The following MLLT3 variants were observed in gnomAD, a reference collection of about 807,000 sequenced individuals.
MLLT3 encodes the protein protein AF-9.
A neutral mutation model predicts 53.2 loss-of-function variants in MLLT3; 4 were observed. That is an observed-to-expected ratio of 0.08 (90% CI 0.04 to 0.17). The LOEUF is 0.17. Ranked by LOEUF, MLLT3 falls within the 10% of genes least tolerant of loss-of-function variation. MLLT3 has a pLI of 1.00. For synonymous variants in MLLT3, 283 were observed against 230.6 expected (o/e 1.23, Z -2.06); for missense variants, 569 against 684.0 (o/e 0.83, Z 1.87).
chr9:20,387,174 C>A (rs1586910394), intron 5 of MLLT3, among the ~76,000 whole-genome samples: 1 of 152,202 alleles, frequency 6.6e-6, no homozygotes, highest in African/African-American at 2.4e-5. Flanking sequence ...TCTGTCAGAG[C>A]TATTCCAGAG....
chr9:20,398,093 TATTTTTA>T lies in MLLT3; in HGVS notation c.1125+15621_1125+15627del, dbSNP rs1315223134. Among the ~76,000 whole-genome samples the T allele has an allele frequency of 3.9e-5, 6 of 152,116 alleles. No homozygotes were observed. In the East Asian group the frequency reaches 1.2e-3, roughly 29 times the overall value. On this transcript the variant is annotated intron_variant, in intron 5 of 10. Transcript: ENST00000380338. ...TTCATTCTTCTGCATATACAATGAA[TATTTTTA>T]ATTTTTAATTTTTTTTTATTTTTAG...
intron 5 of MLLT3, among the ~76,000 whole-genome samples, chr9:20,384,539 G>A (rs994817845): frequency 3.3e-5 from 5 of 151,970 alleles, no homozygotes; most frequent in East Asian, 3.8e-4. Flanking sequence ...ATCCAAAAAC[G>A]TGTTCTTAAT....
At position 20,621,145 on chromosome 9, in the gene MLLT3, A is replaced by C. The variant is rs1398498818; in HGVS notation, c.13-311T>G. Among the ~76,000 whole-genome samples the C allele has an allele frequency of 6.6e-6, 1 of 152,240 alleles. No homozygotes were observed. Among genetic ancestry groups the C allele is most frequent in the African/African-American group, 2.4e-5 (1 of 41,472 alleles). The stretch of plus-strand genomic sequence containing the variant: ...AGGGAGAACACACTCAGCCACGACA[A>C]GCACGACAACAAATGCATCGGAAAC... On this transcript the variant is annotated intron_variant, in intron 1 of 10. Transcript: ENST00000380338. This position sits in a 1 kb window ranked among gnomAD's most constrained non-coding sequence, Gnocchi z 7.0.
rs186677126 is a variant in MLLT3, at chr9:20,448,816, T to C, written c.277-550A>G. Among the ~76,000 whole-genome samples the C allele has an allele frequency of 2.6e-5, 4 of 152,340 alleles. No individual in the cohort carries two copies. The East Asian group carries it at 5.8e-4, about 22-fold the overall frequency. On this transcript the variant is annotated intron_variant, in intron 3 of 10. Transcript: ENST00000380338. This position sits in a 1 kb window ranked among gnomAD's most constrained non-coding sequence, Gnocchi z 4.0. ...AAATTTCAACAGCTTCCAATAGCCA[T>C]TGGGCTAAAAATCCTAATCTCACTT...
chr9:20,414,946 A>G (rs1822835295), intron 4 of MLLT3, among the ~76,000 whole-genome samples: 1 of 152,216 alleles, frequency 6.6e-6, no homozygotes, highest in Non-Finnish European at 1.5e-5. Context: ...TAAGAGACCA[A>G]GGACCAGAAT....
At chr9:20,391,437 G>A (rs1474786260) in intron 5 of MLLT3, among the ~76,000 whole-genome samples, 1 of 152,112 alleles carries the variant, frequency 6.6e-6, no homozygotes, top group East Asian at 1.9e-4. Flanking sequence ...ATTTTGTAAG[G>A]AAGGCTGACA....
intron 2 of MLLT3, among the ~76,000 whole-genome samples, chr9:20,595,698 C>T (rs1204190893): frequency 6.6e-6 from 1 of 152,018 alleles, no homozygotes; most frequent in South Asian, 2.1e-4. Flanking sequence ...TAGCACATGA[C>T]GTTTGAAAGA....
intron 2 of MLLT3, among the ~76,000 whole-genome samples, chr9:20,562,418 G>A (rs1368655760): frequency 6.6e-6 from 1 of 151,584 alleles, no homozygotes; most frequent in African/African-American, 2.4e-5. Context: ...CACCTCAAAA[G>A]TAACATGTAA....
At position 20,414,300 on chromosome 9, in the gene MLLT3, A is replaced by G. The variant is rs143254940; in HGVS notation, c.546T>C (p.Ser182=). The G allele has an allele frequency of 1.0e-3, 1,640 of 1,595,880 alleles. 12 individuals are homozygous for G. The highest frequency in any genetic ancestry group is 1.2e-3 in the Non-Finnish European group (1,345 of 1,167,288). ...TACTACTGCTGCTGCTGCTGCTGCT[A>G]CTGCTGCTGCTACTGCTGCTGCTGC... ...SSSSSSSSSS[S]SSSSSSSSTS... The change falls in exon 5 of 11, where the codon AGT becomes AGC. Residue 182 remains serine (S), a synonymous_variant. Coordinates refer to ENST00000380338, the MANE Select transcript of MLLT3 (RefSeq NM_004529.4).
rs1824109480 is a variant in MLLT3, at chr9:20,461,616, A to G, written c.194-4830T>C. ...TCAATAAATAAATGTAATTAATAGG[A>G]ACTATTTTTTTAGCACCAAAAGAAA... On this transcript the variant is annotated intron_variant, in intron 2 of 10. Coordinates refer to ENST00000380338, the MANE Select transcript of MLLT3 (RefSeq NM_004529.4). 3.3e-5 allele frequency among the ~76,000 whole-genome samples: 5 copies of G among 152,064 alleles called. No individual in the cohort carries two copies. In the South Asian group the frequency reaches 1.0e-3, roughly 32 times the overall value.
chr9:20,519,289 C>G (rs993699322), intron 2 of MLLT3, among the ~76,000 whole-genome samples: 12 of 151,942 alleles, frequency 7.9e-5, no homozygotes, highest in Non-Finnish European at 1.5e-4. Flanking sequence ...TTTACAAAAC[C>G]CTTAAAGACT....
intron 10 of MLLT3, among the ~76,000 whole-genome samples, chr9:20,351,314 T>A (rs1023269343): frequency 6.6e-6 from 1 of 152,228 alleles, no homozygotes; most frequent in Non-Finnish European, 1.5e-5. Context: ...CAGAGTTTTC[T>A]TCCCCCAGAC....
At chr9:20,447,362 AT>A (rs1823731028) in intron 4 of MLLT3, among the ~76,000 whole-genome samples, 2 of 152,200 alleles carry the variant, frequency 1.3e-5, no homozygotes, top group Admixed American at 1.3e-4. Flanking sequence ...ACATCTCAAA[AT>A]AGATGGGGTG....
At chr9:20,412,098 C>T (rs1822743736) in intron 5 of MLLT3, 1 of 152,056 alleles carries the variant, frequency 6.6e-6, no homozygotes, top group Admixed American at 6.6e-5. Context: ...AACCTCTATA[C>T]TAGAAGAATT....
At chr9:20,543,456 G>C (rs531812991) in intron 2 of MLLT3, among the ~76,000 whole-genome samples, 1 of 152,316 alleles carries the variant, frequency 6.6e-6, no homozygotes, top group East Asian at 1.9e-4. Flanking sequence ...AAGATCACTA[G>C]TCACATTCCC....
intron 5 of MLLT3, among the ~76,000 whole-genome samples, chr9:20,385,751 GATA>G (rs1292588608): frequency 6.6e-6 from 1 of 152,062 alleles, no homozygotes; most frequent in African/African-American, 2.4e-5. Flanking sequence ...ACTATCCTAG[GATA>G]ATGTTTTCTC....
In MLLT3 at chr9:20,546,826, C is replaced by T. The variant is rs772401629; in HGVS notation, c.193+73828G>A. 1.8e-4 allele frequency among the ~76,000 whole-genome samples: 28 copies of T among 152,214 alleles called. 1 individual carries two copies. Among genetic ancestry groups the T allele is most frequent in the African/African-American group, 6.8e-4 (28 of 41,460 alleles). ...TCGAGGCTCTTTGTTTCGGGTTGAACGAAGGTTGCCAGGTGGAGACTGTTA... is the reference window on the plus strand; with the variant it reads ...TCGAGGCTCTTTGTTTCGGGTTGAATGAAGGTTGCCAGGTGGAGACTGTTA... On this transcript the variant is annotated intron_variant, in intron 2 of 10. Coordinates refer to ENST00000380338, the MANE Select transcript of MLLT3 (RefSeq NM_004529.4).
intron 4 of MLLT3, among the ~76,000 whole-genome samples, chr9:20,427,187 T>C (rs1426556908): frequency 6.6e-6 from 1 of 150,924 alleles, no homozygotes; most frequent in Non-Finnish European, 1.5e-5. Context: ...ATGCAGACTA[T>C]AAATAACTAT....
chr9:20,437,604 C>T (rs1030123233), intron 4 of MLLT3, among the ~76,000 whole-genome samples: 6 of 151,908 alleles, frequency 3.9e-5, no homozygotes, highest in African/African-American at 1.2e-4. Context: ...ACAAAGGGGA[C>T]GTAAGAGAAA....
Sources: gnomAD v4.1 joint callset for allele counts (sites outside exome capture counted in the v4.1 genomes callset) on GRCh38, gnomAD v4.1.1 for gene constraint, Gnocchi (gnomAD v3.1) non-coding constraint, MANE v1.5 for transcripts, NCBI Gene and HGNC (gene_info 2026-07-23, HGNC 2026-07-21) for gene names.